The following CTNNA3 variants were observed in gnomAD, a reference collection of about 807,000 sequenced individuals.
The protein encoded by CTNNA3 is catenin alpha 3.
CTNNA3 carries 76 observed loss-of-function variants against 95.7 expected under a neutral mutation model. That is an observed-to-expected ratio of 0.79 (90% CI 0.66 to 0.96). The LOEUF (loss-of-function observed/expected upper bound fraction) is 0.96, where lower values mean the gene tolerates loss of function less well. CTNNA3 is among the 40% of genes least tolerant of loss of function. The pLI, the probability that CTNNA3 is intolerant of heterozygous loss-of-function variation, is 0.00. For synonymous variants in CTNNA3, 431 were observed against 374.4 expected (o/e 1.15, Z -1.74); for missense variants, 1,191 against 1,089.8 (o/e 1.09, Z -1.31).
At chr10:67,232,089 A>G (rs1865238849) in intron 5 of CTNNA3, among the ~76,000 whole-genome samples, 1 of 152,142 alleles carries the variant, frequency 6.6e-6, no homozygotes, top group Non-Finnish European at 1.5e-5. Flanking sequence ...AACACTCTGC[A>G]GGATATTATC....
chr10:66,077,608 G>A (rs577415781), intron 14 of CTNNA3, among the ~76,000 whole-genome samples: 1 of 151,742 alleles, frequency 6.6e-6, no homozygotes, highest in South Asian at 2.1e-4. Context: ...ATCTTGGCAT[G>A]TATCATAATG....
At chr10:66,696,696 GC>G (rs1327853362) in intron 9 of CTNNA3, among the ~76,000 whole-genome samples, 2 of 152,036 alleles carry the variant, frequency 1.3e-5, no homozygotes, top group African/African-American at 2.4e-5. Flanking sequence ...ACTTTGGGAG[GC>G]CCAGGCAGGA....
chr10:67,080,480 T>G (rs922848024), intron 7 of CTNNA3, among the ~76,000 whole-genome samples: 1 of 152,206 alleles, frequency 6.6e-6, no homozygotes, highest in Non-Finnish European at 1.5e-5. Flanking sequence ...TCGCAATACA[T>G]CTACTGACAT....
At chr10:66,598,131 A>G (rs548429851) in intron 10 of CTNNA3, among the ~76,000 whole-genome samples, 1 of 152,170 alleles carries the variant, frequency 6.6e-6, no homozygotes, top group South Asian at 2.1e-4. Context: ...TAAATGTAAT[A>G]TATCACATTT....
chr10:66,239,067 A>G (rs2089990468), intron 13 of CTNNA3, among the ~76,000 whole-genome samples: 1 of 151,874 alleles, frequency 6.6e-6, no homozygotes, highest in Non-Finnish European at 1.5e-5. Flanking sequence ...ATATGGTCCA[A>G]GAGTTAAGCA....
At chr10:66,892,558 T>G (rs1157768761) in intron 7 of CTNNA3, among the ~76,000 whole-genome samples, 1 of 143,884 alleles carries the variant, frequency 7.0e-6, no homozygotes, top group Admixed American at 7.2e-5. Context: ...GAAGTAGAAT[T>G]CAACAATGAT....
chr10:66,179,292 A>G (rs1002566814), intron 13 of CTNNA3, among the ~76,000 whole-genome samples: 3 of 152,036 alleles, frequency 2.0e-5, no homozygotes, highest in Admixed American at 6.6e-5. Flanking sequence ...GAGTGAAAAA[A>G]AGTCAATCCA....
At chr10:66,742,413 G>T (rs1014035283) in intron 9 of CTNNA3, among the ~76,000 whole-genome samples, 1 of 151,928 alleles carries the variant, frequency 6.6e-6, no homozygotes, top group South Asian at 2.1e-4. Context: ...TTTTAATTTC[G>T]CCCAGGTCCT....
intron 13 of CTNNA3, among the ~76,000 whole-genome samples, chr10:66,130,008 G>A (rs1244392180): frequency 1.3e-5 from 2 of 152,080 alleles, no homozygotes; most frequent in Non-Finnish European, 2.9e-5. Context: ...GCATTGGCAG[G>A]CATGAAACCT....
At chr10:66,910,757 C>T (rs540613188) in intron 7 of CTNNA3, among the ~76,000 whole-genome samples, 1 of 152,256 alleles carries the variant, frequency 6.6e-6, no homozygotes, top group African/African-American at 2.4e-5. Context: ...GCTATGGATG[C>T]CTCTCCAGTT....
chr10:66,241,436 A>G (rs1026269991), intron 13 of CTNNA3, among the ~76,000 whole-genome samples: 37 of 152,224 alleles, frequency 2.4e-4, no homozygotes, highest in African/African-American at 7.7e-4. Context: ...TACAAAGTTA[A>G]GTAAATCTTA....
chr10:66,631,671 T>C (rs1158666240), intron 9 of CTNNA3, among the ~76,000 whole-genome samples: 1 of 152,174 alleles, frequency 6.6e-6, no homozygotes, highest in Non-Finnish European at 1.5e-5. Context: ...GCAAGTGTCA[T>C]GCTCAAAATT....
chr10:66,903,501 C>A (rs1845846011), intron 7 of CTNNA3, among the ~76,000 whole-genome samples: 1 of 152,118 alleles, frequency 6.6e-6, no homozygotes, highest in Non-Finnish European at 1.5e-5. Context: ...CACTCCTATT[C>A]AACATAGTGT....
At chr10:66,946,181 T>C (rs1213110642) in intron 7 of CTNNA3, among the ~76,000 whole-genome samples, 1 of 152,100 alleles carries the variant, frequency 6.6e-6, no homozygotes, top group Non-Finnish European at 1.5e-5. Context: ...TACAATAAAA[T>C]GAGGTGTGCC....
chr10:66,769,604 T>G (rs368503249), intron 8 of CTNNA3, among the ~76,000 whole-genome samples: 1 of 152,336 alleles, frequency 6.6e-6, no homozygotes, highest in South Asian at 2.1e-4. Flanking sequence ...CTTGTGTCTC[T>G]TTGTTATTCT....
At chr10:67,706,423 A>G (rs1365377547) in intron 1 of CTNNA3, among the ~76,000 whole-genome samples, 1 of 152,174 alleles carries the variant, frequency 6.6e-6, no homozygotes, top group East Asian at 1.9e-4. Flanking sequence ...AATCTCTTAG[A>G]AAAATGGGGG....
intron 9 of CTNNA3, among the ~76,000 whole-genome samples, chr10:66,631,495 C>G (rs988592665): frequency 6.6e-6 from 1 of 152,094 alleles, no homozygotes; most frequent in African/African-American, 2.4e-5. Flanking sequence ...ACTGAAATTC[C>G]TTTTTGAACT....
At chr10:66,238,869 G>C (rs931042563) in intron 13 of CTNNA3, among the ~76,000 whole-genome samples, 1 of 151,888 alleles carries the variant, frequency 6.6e-6, no homozygotes, top group Non-Finnish European at 1.5e-5. Context: ...TGACCATGAA[G>C]TAAGCATCCT....
chr10:65,964,423 C>T (rs913106166), intron 17 of CTNNA3, among the ~76,000 whole-genome samples: 3 of 152,096 alleles, frequency 2.0e-5, no homozygotes, highest in Admixed American at 2.0e-4. Context: ...TATATAATGA[C>T]TCAGCTTTTA....
Sources: gnomAD v4.1 joint callset for allele counts (sites outside exome capture counted in the v4.1 genomes callset) on GRCh38, gnomAD v4.1.1 for gene constraint, MANE v1.5 for transcripts, NCBI Gene and HGNC (gene_info 2026-07-23, HGNC 2026-07-21) for gene names.